Variants in HSF5 observed in about 807,000 individuals in gnomAD.
HSF5 encodes the protein heat shock transcription factor 5.
A neutral mutation model predicts 50.8 loss-of-function variants in HSF5; 5 were observed. That is an observed-to-expected ratio of 0.10 (90% CI 0.05 to 0.21). The LOEUF is 0.21. Among genes scored for constraint, HSF5 ranks in the 10% least tolerant of loss-of-function variants. The pLI is 1.00. For synonymous variants in HSF5, 307 were observed against 307.4 expected (o/e 1.00, Z 0.02); for missense variants, 564 against 762.6 (o/e 0.74, Z 3.07).
chr17:58,451,183 T>C (rs2143763706), intron 5 of HSF5, among the ~76,000 whole-genome samples: 1 of 152,298 alleles, frequency 6.6e-6, no homozygotes, highest in Non-Finnish European at 1.5e-5. Flanking sequence ...AGCACCTAAA[T>C]ATATAATGCA....
At chr17:58,482,215 A>AG (rs952147681) in intron 1 of HSF5, among the ~76,000 whole-genome samples, 1 of 152,198 alleles carries the variant, frequency 6.6e-6, no homozygotes, top group Non-Finnish European at 1.5e-5. Flanking sequence ...TTTATCTAAT[A>AG]GGGGGAAAAA....
At chr17:58,448,048 CACTTGA>C (rs1368059938) in intron 5 of HSF5, among the ~76,000 whole-genome samples, 1 of 145,364 alleles carries the variant, frequency 6.9e-6, no homozygotes, top group Non-Finnish European at 1.5e-5. Flanking sequence ...ACATGAGAAT[CACTTGA>C]ACCTGGGAGG....
At chr17:58,430,389 T>G (rs923672876) in intron 5 of HSF5, among the ~76,000 whole-genome samples, 13 of 152,152 alleles carry the variant, frequency 8.5e-5, no homozygotes, top group Non-Finnish European at 1.6e-4. Flanking sequence ...GCATTATCTT[T>G]GGATATGTGT....
At chr17:58,434,347 G>A (rs144014336) in intron 5 of HSF5, among the ~76,000 whole-genome samples, 1,883 of 151,734 alleles carry the variant, frequency 0.012, 22 homozygotes, top group Non-Finnish European at 0.019. Flanking sequence ...GGAGGAAATC[G>A]AGACCATCCC....
At chr17:58,472,785 GAGGCAGCCCCACTCCCCAGAGCCCCC>G (rs1974965456) in intron 2 of HSF5, among the ~76,000 whole-genome samples, 1 of 152,088 alleles carries the variant, frequency 6.6e-6, no homozygotes, top group Non-Finnish European at 1.5e-5. Flanking sequence ...AAATGAATTA[GAGGCAGCCCCACTCCCCAGAGCCCCC>G]AGGCTGAACC....
chr17:58,448,224 T>G (rs1050434542), intron 5 of HSF5, among the ~76,000 whole-genome samples: 1 of 149,184 alleles, frequency 6.7e-6, no homozygotes, highest in East Asian at 2.0e-4. Context: ...GAACAAAGAA[T>G]GCCTATAAGA....
At chr17:58,427,304 G>C (rs1974308838) in intron 5 of HSF5, among the ~76,000 whole-genome samples, 1 of 152,048 alleles carries the variant, frequency 6.6e-6, no homozygotes, top group South Asian at 2.1e-4. Context: ...AAAGCTTCAA[G>C]TGTGAGAAGA....
intron 5 of HSF5, among the ~76,000 whole-genome samples, chr17:58,432,288 G>T (rs1169660235): frequency 6.6e-6 from 1 of 151,826 alleles, no homozygotes; most frequent in East Asian, 1.9e-4. Context: ...AGTGGGGGTG[G>T]GAATTATAGA....
intron 1 of HSF5, among the ~76,000 whole-genome samples, chr17:58,485,432 G>T (rs1324304614): frequency 3.3e-5 from 5 of 151,996 alleles, no homozygotes. Flanking sequence ...TCCTGGAAGA[G>T]GGGGAAGAGC....
intron 5 of HSF5, among the ~76,000 whole-genome samples, chr17:58,436,615 A>C (rs1030424092): frequency 6.6e-6 from 1 of 152,180 alleles, no homozygotes; most frequent in Non-Finnish European, 1.5e-5. Flanking sequence ...TATAACCATA[A>C]CATGTAGTGA....
rs149585316 is a variant in HSF5, at chr17:58,471,901, G to T, written c.926-4922C>A. Among the ~76,000 whole-genome samples, 20 of 151,992 alleles carry T rather than the reference G, an allele frequency of 1.3e-4. 1 individual carries two copies. Among genetic ancestry groups the T allele is most frequent in the Non-Finnish European group, 2.2e-4 (15 of 68,002 alleles). On this transcript the variant is annotated intron_variant, in intron 2 of 5. Transcript: ENST00000323777. ...CAGGGTCTTGATCTGTTGCCGAGGC[G>T]GGAGTGCAGTGGCGCGATCTCAGCT...
At chr17:58,466,504 A>G (rs1405084568) in intron 3 of HSF5, among the ~76,000 whole-genome samples, 2 of 152,250 alleles carry the variant, frequency 1.3e-5, no homozygotes, top group East Asian at 3.8e-4. Context: ...ACTACTGAGC[A>G]CTCAAAATGT....
intron 2 of HSF5, among the ~76,000 whole-genome samples, chr17:58,479,580 G>A (rs997695380): frequency 2.0e-5 from 3 of 152,100 alleles, no homozygotes; most frequent in Non-Finnish European, 4.4e-5. Context: ...TGGGATTACA[G>A]GTGTGGGCCA....
Position 58,422,445 on chromosome 17 carries a change from T to A in HSF5, c.1721-15A>T. 1.2e-6 allele frequency: 2 copies of A among 1,610,806 alleles called. No homozygotes were observed. Among genetic ancestry groups the A allele is most frequent in the South Asian group, 2.2e-5 (2 of 90,948 alleles). The stretch of plus-strand genomic sequence containing the variant: ...CAGATGAAGATCTAGAAAGAAAGGA[T>A]AGTTTACTCCCTCTTAGCCTCTCTG... On this transcript the variant is annotated splice_polypyrimidine_tract_variant and intron_variant, in intron 5 of 5. Transcript: ENST00000323777.
At chr17:58,481,579 T>C (rs1011001529) in intron 1 of HSF5, among the ~76,000 whole-genome samples, 1 of 152,278 alleles carries the variant, frequency 6.6e-6, no homozygotes, top group Non-Finnish European at 1.5e-5. Context: ...TATTATGTGC[T>C]ACTCAAGTAT....
intron 2 of HSF5, among the ~76,000 whole-genome samples, chr17:58,471,612 C>G (rs1334574280): frequency 9.7e-6 from 1 of 103,620 alleles, no homozygotes; most frequent in African/African-American, 4.0e-5. Flanking sequence ...TTTTTCTTTC[C>G]TTTTCTTTCT....
intron 5 of HSF5, among the ~76,000 whole-genome samples, chr17:58,446,738 G>A (rs944134421): frequency 2.6e-5 from 4 of 152,144 alleles, no homozygotes; most frequent in South Asian, 2.1e-4. Flanking sequence ...CTTGGGGTGC[G>A]ACCCAACACA....
At chr17:58,481,858 G>C (rs1975102342) in intron 1 of HSF5, among the ~76,000 whole-genome samples, 1 of 152,098 alleles carries the variant, frequency 6.6e-6, no homozygotes, top group South Asian at 2.1e-4. Flanking sequence ...AAATCAGCTG[G>C]GCACGATGGT....
intron 2 of HSF5, among the ~76,000 whole-genome samples, chr17:58,474,815 C>T (rs959502615): frequency 2.6e-5 from 4 of 152,090 alleles, no homozygotes. Context: ...CTCCTAGGCT[C>T]AAGCAATCCT....
Sources: allele counts gnomAD v4.1 joint callset (sites outside exome capture counted in the v4.1 genomes callset), GRCh38; gene constraint gnomAD v4.1.1; transcripts MANE v1.5; gene names NCBI Gene and HGNC (gene_info 2026-07-23, HGNC 2026-07-21).